TPGS2: variants seen among roughly 807,000 people sequenced by gnomAD.
TPGS2 encodes the protein polyglutamylase subunit 2.
In TPGS2, 26 loss-of-function variants were observed where a neutral mutation model predicts 31.1. The ratio of observed to expected loss-of-function variants is 0.84; its 90% CI spans 0.61 to 1.16. The LOEUF (loss-of-function observed/expected upper bound fraction) is 1.16, where lower values mean the gene tolerates loss of function less well. Among genes scored for constraint, TPGS2 ranks in the 50% most tolerant of loss-of-function variants. The pLI, the probability that TPGS2 is intolerant of heterozygous loss-of-function variation, is 0.00. For missense variants in TPGS2, 351 were observed against 363.8 expected (o/e 0.96, Z 0.29); for synonymous variants, 130 against 136.6 (o/e 0.95, Z 0.34).
chr18:36,792,946 C>G (rs149813368), downstream of TPGS2, among the ~76,000 whole-genome samples: 386 of 152,288 alleles, frequency 2.5e-3, no homozygotes, highest in African/African-American at 8.4e-3. Context: ...ATAATATAGC[C>G]CATTTCCATT....
chr18:36,807,605 C>T (rs1600789043), intron 3 of TPGS2: 1 of 544,202 alleles, frequency 1.8e-6, no homozygotes, highest in East Asian at 3.1e-5. Context: ...CCTATTCCTA[C>T]AGGAATCCTC....
In TPGS2 at chr18:36,796,912, G is replaced by A. The variant is rs746564885; in HGVS notation, c.796C>T (p.Pro266Ser). Residue 266 changes from proline (P) to serine (S), a missense_variant, in exon 7 of 7, where the codon CCT (proline) becomes TCT (serine). By Grantham distance (74) the Pro-to-Ser change is moderately conservative (BLOSUM62 -1). Transcript: ENST00000334295. ...TTCTGGCCACCTGCAGGCTGCACAG[G>A]CCCTTTCTTTTTTGGGATTACGATC... The part of the protein sequence containing the change: ...NKIVIPKKKG[P>S]VQPAGGQKGP... 4.3e-6 allele frequency: 7 copies of A among 1,610,354 alleles called. No individual in the cohort carries two copies. In the East Asian group the frequency reaches 1.1e-4, roughly 26 times the overall value.
Position 36,828,984 on chromosome 18 carries a change from GA to G in TPGS2, c.-218del. The G allele has an allele frequency of 9.3e-7, 1 of 1,079,198 alleles. No homozygotes were observed. Among genetic ancestry groups the G allele is most frequent in the Non-Finnish European group, 1.3e-6 (1 of 792,806 alleles). The allele number at this position is 1,079,198 out of a possible 1,614,324, so 66.9% of individuals were successfully genotyped here. ...CCGGTGCCCCACACCGCACCTCCGG[GA>G]CGTAGCTTCCCCTTCGCCCCCACCC... On this transcript the variant is annotated 5_prime_UTR_variant, in exon 1 of 7. Transcript: ENST00000334295.
At chr18:36,781,663 G>A, downstream of TPGS2, 4 of 739,526 alleles carry the variant, frequency 5.4e-6, no homozygotes, top group South Asian at 1.2e-4. Context: ...AATAGCCTCT[G>A]CGACTCTGCA....
chr18:36,814,207 G>T (rs2045555989), intron 2 of TPGS2, among the ~76,000 whole-genome samples: 1 of 152,168 alleles, frequency 6.6e-6, no homozygotes. Flanking sequence ...CTGGCACCAG[G>T]ATGTTATGAG....
chr18:36,826,970 T>A (rs1471026025), intron 1 of TPGS2, among the ~76,000 whole-genome samples: 1 of 152,248 alleles, frequency 6.6e-6, no homozygotes, highest in Non-Finnish European at 1.5e-5. Flanking sequence ...ATGCTTTTTT[T>A]ATTAAGATGA....
At chr18:36,788,090 T>C (rs1280836826) in intron 6 of TPGS2, among the ~76,000 whole-genome samples, 1 of 152,260 alleles carries the variant, frequency 6.6e-6, no homozygotes, top group Admixed American at 6.5e-5. Flanking sequence ...AGACAGATTT[T>C]TGAATTTGTC....
intron 2 of TPGS2, among the ~76,000 whole-genome samples, chr18:36,815,613 C>CTTT (rs34425185): frequency 6.6e-6 from 1 of 150,884 alleles, no homozygotes; most frequent in Non-Finnish European, 1.5e-5. Flanking sequence ...TCCTAGGAGA[C>CTTT]TTTTTTTTTG....
rs936563008 is a variant in TPGS2 at position 36,783,106 on chromosome 18, G to GATCC, written c.679_682dup (p.Ser228TrpfsTer3). The GATCC allele has an allele frequency of 9.8e-5, 39 of 398,452 alleles. No homozygotes were observed. The highest frequency in any genetic ancestry group is 7.8e-4 in the African/African-American group (38 of 48,690). The allele number at this position is 398,452 out of a possible 1,614,324, so 24.7% of individuals were successfully genotyped here. A position where few individuals can be genotyped will look rare whatever the true frequency, so the allele number is the denominator to read the frequency against. On this transcript the variant is annotated frameshift_variant, in exon 7 of 7. Coordinates refer to the TPGS2 transcript ENST00000587129. LOFTEE classifies it low-confidence loss of function (END_TRUNC). ...ATTATTTAAATCCACCGGAGGACTAGATCCATCAAAAAGGCCTAAAAGAGC... is the reference window on the plus strand; with the variant it reads ...ATTATTTAAATCCACCGGAGGACTAGATCCATCCATCAAAAAGGCCTAAAAGAGC...
downstream of TPGS2, chr18:36,781,945 G>T (rs1033872779): frequency 1.4e-4 from 142 of 984,230 alleles, no homozygotes; most frequent in Non-Finnish European, 1.6e-4. Context: ...AATACATAGG[G>T]TATTAATAGT....
In TPGS2 at chr18:36,794,832, AACACACACACACACACACACAC is replaced by A. The variant is rs60958340; in HGVS notation, c.*1951_*1972del. ...TATGTGACAGTCATGTTATGGTTAA[AACACACACACACACACACACAC>A]ACACACACACACACACACACACACA... On this transcript the variant is annotated 3_prime_UTR_variant, in exon 7 of 7. Transcript: ENST00000334295. 4.1e-4 allele frequency: 368 copies of A among 900,164 alleles called. 1 individual carries two copies. The South Asian group carries it at 6.7e-3, about 16-fold the overall frequency. The allele number at this position is 900,164 out of a possible 1,614,324, so 55.8% of individuals were successfully genotyped here.
Position 36,795,335 on chromosome 18 carries a change from T to C in TPGS2, c.*1470A>G. On this transcript the variant is annotated 3_prime_UTR_variant, in exon 7 of 7. Transcript: ENST00000334295. ...AAGGAAGTCTGGCCAATCACCGGGG[T>C]AGAGAGAAGTCAGGAAAGAGAATGA... is the stretch of plus-strand genomic sequence containing the variant. 2.0e-6 allele frequency: 2 copies of C among 985,266 alleles called. No individual in the cohort carries two copies. Among genetic ancestry groups the C allele is most frequent in the Non-Finnish European group, 2.4e-6 (2 of 829,992 alleles). 61.0% of individuals were successfully genotyped at this position (985,266 alleles called of 1,614,324 possible). A position where few individuals can be genotyped will look rare whatever the true frequency, so the allele number is the denominator to read the frequency against.
intron 6 of TPGS2, among the ~76,000 whole-genome samples, chr18:36,783,971 G>A (rs1447288142): frequency 1.3e-5 from 2 of 152,066 alleles, no homozygotes; most frequent in Non-Finnish European, 2.9e-5. Context: ...ACACACTAAA[G>A]GCAACGTGAA....
intron 6 of TPGS2, among the ~76,000 whole-genome samples, chr18:36,783,428 C>A (rs1452938960): frequency 6.6e-6 from 1 of 152,188 alleles, no homozygotes; most frequent in African/African-American, 2.4e-5. Context: ...AATTACAAAA[C>A]CGCCAGAAAA....
intron 6 of TPGS2, among the ~76,000 whole-genome samples, chr18:36,783,944 G>A (rs1046630930): frequency 6.6e-6 from 1 of 152,042 alleles, no homozygotes; most frequent in Non-Finnish European, 1.5e-5. Flanking sequence ...TAAGAGAAAG[G>A]CAGAGTGAGA....
rs940417876 is a variant in TPGS2 at position 36,828,699 on chromosome 18, G to T, written c.69C>A (p.Gly23=). 3.7e-6 allele frequency: 6 copies of T among 1,614,002 alleles called. No homozygotes were observed. The African/African-American group carries it at 5.3e-5, about 14-fold the overall frequency. Residue 23 remains glycine, a synonymous_variant, in exon 1 of 7, where the codon GGC becomes GGA. Transcript: ENST00000334295. The part of the protein sequence containing the change: ...SKPHLEKLTL[G]ITRILESSPG... ...TTTCCTCACCTAGGATGCGCGTGAT[G>T]CCCAGGGTCAGCTTCTCCAGGTGCG...
In TPGS2 at chr18:36,805,386, C is replaced by G. The variant is rs7234328; in HGVS notation, c.370G>C (p.Asp124His). 1 of 1,613,742 alleles carries G rather than the reference C, an allele frequency of 6.2e-7. No homozygotes were observed. Among genetic ancestry groups the G allele is most frequent in the Admixed American group, 1.7e-5 (1 of 59,988 alleles). The change falls in exon 4 of 7, where the codon GAT becomes CAT. Residue 124 changes from aspartate to histidine, a missense_variant. Physicochemically the swap from Asp to His is moderately conservative, Grantham distance 81 (BLOSUM62 -1). Coordinates refer to ENST00000334295, the MANE Select transcript of TPGS2 (RefSeq NM_015476.4). ...GGTATCTTCCTACCTTCATGTGTAT[C>G]GTCCTCCAGGTCTGCCAGAGTGGGT... Reference protein sequence around the residue: ...NAPTLADLEDDTHEASDDQPE... With the variant: ...NAPTLADLEDHTHEASDDQPE...
Position 36,796,773 on chromosome 18 carries a change from TG to T in TPGS2, c.*31del. 4 of 1,164,002 alleles carry T rather than the reference TG, an allele frequency of 3.4e-6. No homozygotes were observed. The highest frequency in any genetic ancestry group is 4.8e-6 in the Non-Finnish European group (4 of 834,178). 72.1% of individuals were successfully genotyped at this position (1,164,002 alleles called of 1,614,324 possible). On this transcript the variant is annotated 3_prime_UTR_variant, in exon 7 of 7. Transcript: ENST00000334295. ...CATCTGTGCATGGAAACCACCACTC[TG>T]GAGCTGGTAGGGAGTTGGAGGGAGG...
chr18:36,781,662 T>A, downstream of TPGS2: 1 of 736,192 alleles, frequency 1.4e-6, no homozygotes, highest in Non-Finnish European at 1.7e-6. Flanking sequence ...AAATAGCCTC[T>A]GCGACTCTGC....
Sources: allele counts gnomAD v4.1 joint callset (sites outside exome capture counted in the v4.1 genomes callset), GRCh38; gene constraint gnomAD v4.1.1; transcripts MANE v1.5; gene names NCBI Gene and HGNC (gene_info 2026-07-23, HGNC 2026-07-21).